The following BCAS3 variants were observed in gnomAD, a reference collection of about 807,000 sequenced individuals.
BCAS3 encodes BCAS3 microtubule associated cell migration factor, also known as BCAS4/BCAS3 fusion.
In BCAS3, 53 loss-of-function variants were observed where a neutral mutation model predicts 116.1. The observed-to-expected ratio is 0.46, with a 90% CI of 0.37 to 0.57. BCAS3 has a LOEUF of 0.57. Among genes scored for constraint, BCAS3 ranks in the 20% least tolerant of loss-of-function variants. The pLI is 0.00. For synonymous variants in BCAS3, 391 were observed against 408.2 expected, an observed-to-expected ratio of 0.96 and a Z score of 0.51; for missense variants, 917 against 1,165.4, an observed-to-expected ratio of 0.79 and a Z score of 3.10.
intron 22 of BCAS3, among the ~76,000 whole-genome samples, chr17:61,100,810 C>G (rs1487968360): frequency 6.6e-6 from 1 of 152,154 alleles, no homozygotes; most frequent in Non-Finnish European, 1.5e-5. Context: ...TACAACACGG[C>G]CCTGCATTAT....
At chr17:60,839,882 A>G (rs1182787443) in intron 7 of BCAS3, among the ~76,000 whole-genome samples, 2 of 152,164 alleles carry the variant, frequency 1.3e-5, no homozygotes, top group East Asian at 3.8e-4. Context: ...CACTTTCTCA[A>G]ATACTTTGTT....
In BCAS3 at chr17:60,703,391, C is replaced by G. The variant is rs189758722; in HGVS notation, c.215-5828C>G. On this transcript the variant is annotated intron_variant, in intron 4 of 23. Coordinates refer to ENST00000407086, the MANE Select transcript of BCAS3 (RefSeq NM_017679.5). Reference sequence around the variant, plus strand: ...ATCACTTGAGCTCAGGAGTTCAAGACTAGTCTGGGCAACATGGCAAAACCC... The same window carrying G: ...ATCACTTGAGCTCAGGAGTTCAAGAGTAGTCTGGGCAACATGGCAAAACCC... Among the ~76,000 whole-genome samples the G allele has an allele frequency of 1.6e-4, 24 of 149,254 alleles. No homozygotes were observed. The East Asian group carries it at 4.9e-3, about 30-fold the overall frequency.
At chr17:61,257,701 G>A (rs1426875002) in intron 22 of BCAS3, among the ~76,000 whole-genome samples, 1 of 152,132 alleles carries the variant, frequency 6.6e-6, no homozygotes, top group Non-Finnish European at 1.5e-5. Flanking sequence ...CACGGAATTT[G>A]GGATCAATCA....
Position 61,247,707 on chromosome 17 carries a change from C to A in BCAS3, c.2426-120620C>A, listed in dbSNP as rs545489094. ...GACTTGGCAGTAAAATTTTATTAAGCAGTTTTGCAAGTAGAGAGCAGCATA... is the reference window on the plus strand; with the variant it reads ...GACTTGGCAGTAAAATTTTATTAAGAAGTTTTGCAAGTAGAGAGCAGCATA... On this transcript the variant is annotated intron_variant, in intron 22 of 23. Transcript: ENST00000407086. Among the ~76,000 whole-genome samples the A allele has an allele frequency of 3.9e-4, 59 of 152,172 alleles. 1 individual carries two copies. Among genetic ancestry groups the A allele is most frequent in the African/African-American group, 1.4e-3 (59 of 41,526 alleles).
In BCAS3 at chr17:61,363,710, T is replaced by C. The variant is rs117127640; in HGVS notation, c.2426-4617T>C. Among the ~76,000 whole-genome samples, 27 of 152,328 alleles carry C rather than the reference T, an allele frequency of 1.8e-4. 1 individual carries two copies. The East Asian group carries it at 5.2e-3, about 29-fold the overall frequency. On this transcript the variant is annotated intron_variant, in intron 22 of 23. Transcript: ENST00000407086. This position sits in a 1 kb window ranked among gnomAD's most constrained non-coding sequence, Gnocchi z 4.9. ...CAGAGCACTGCTTCAACAAAAGATGTCTGTTGCCAAGAGTGTGTATTTTGT... is the reference window on the plus strand; with the variant it reads ...CAGAGCACTGCTTCAACAAAAGATGCCTGTTGCCAAGAGTGTGTATTTTGT...
rs1568861327 is a variant in BCAS3, at chr17:61,327,837, G to A, written c.2426-40490G>A. ...AGATCTGACTGAATAACACAAAGGT[G>A]ACATCCAGTTCAAGGAACTTAGTGG... is the stretch of plus-strand genomic sequence containing the variant. On this transcript the variant is annotated intron_variant, in intron 22 of 23. Coordinates refer to ENST00000407086, the MANE Select transcript of BCAS3 (RefSeq NM_017679.5). This position sits in a 1 kb window ranked among gnomAD's most constrained non-coding sequence, Gnocchi z 5.9. 6.6e-6 allele frequency among the ~76,000 whole-genome samples: 1 copy of A among 152,170 alleles called. No homozygotes were observed. Among genetic ancestry groups the A allele is most frequent in the Non-Finnish European group, 1.5e-5 (1 of 68,046 alleles).
chr17:61,219,757 G>A lies in BCAS3; in HGVS notation c.2425+135193G>A, dbSNP rs1006231277. ...CCAGCTGCTGCTTGTTTAGATGGCC[G>A]CCTTCCTGGTGACAAGCACTTCTTA... On this transcript the variant is annotated intron_variant, in intron 22 of 23. Transcript: ENST00000407086. This position sits in a 1 kb window ranked among gnomAD's most constrained non-coding sequence, Gnocchi z 5.2. Among the ~76,000 whole-genome samples, 2 of 152,060 alleles carry A rather than the reference G, an allele frequency of 1.3e-5. No individual in the cohort carries two copies. The highest frequency in any genetic ancestry group is 2.9e-5 in the Non-Finnish European group (2 of 68,016).
chr17:61,282,690 G>A lies in BCAS3; in HGVS notation c.2426-85637G>A, dbSNP rs1251447396. ...AAAGAAGGAAGCCCATCAACACAGAGGATTATGAATCAGACCCTTCCAGAA... is the reference window on the plus strand; with the variant it reads ...AAAGAAGGAAGCCCATCAACACAGAAGATTATGAATCAGACCCTTCCAGAA... On this transcript the variant is annotated intron_variant, in intron 22 of 23. Coordinates refer to ENST00000407086, the MANE Select transcript of BCAS3 (RefSeq NM_017679.5). This position sits in a 1 kb window ranked among gnomAD's most constrained non-coding sequence, Gnocchi z 5.9. Among the ~76,000 whole-genome samples, 1 of 152,094 alleles carries A rather than the reference G, an allele frequency of 6.6e-6. No individual in the cohort carries two copies. The highest frequency in any genetic ancestry group is 1.5e-5 in the Non-Finnish European group (1 of 68,026).
chr17:61,115,841 C>T (rs899943579), intron 22 of BCAS3, among the ~76,000 whole-genome samples: 6 of 151,224 alleles, frequency 4.0e-5, no homozygotes, highest in Non-Finnish European at 8.9e-5. Flanking sequence ...GGAACCAACC[C>T]AAATGTCCAA....
chr17:60,783,350 G>A (rs2045991914), intron 6 of BCAS3, among the ~76,000 whole-genome samples: 1 of 152,122 alleles, frequency 6.6e-6, no homozygotes, highest in Non-Finnish European at 1.5e-5. Context: ...GACTACAGGT[G>A]CACACCACCA....
chr17:61,376,844 A>G lies in BCAS3; in HGVS notation c.2593+8350A>G, dbSNP rs1319248137. Among the ~76,000 whole-genome samples, 1 of 152,146 alleles carries G rather than the reference A, an allele frequency of 6.6e-6. No individual in the cohort carries two copies. The highest frequency in any genetic ancestry group is 1.9e-4 in the East Asian group (1 of 5,192). On this transcript the variant is annotated intron_variant, in intron 23 of 23. Coordinates refer to ENST00000407086, the MANE Select transcript of BCAS3 (RefSeq NM_017679.5). The surrounding 1 kb of genome is among the most constrained non-coding windows in gnomAD (Gnocchi z 4.5). Reference sequence around the variant, plus strand: ...CCTGGAGTTTTCCTCCTTCTACAGCATCTACAAAAGTTCTCTCAGTGTCTT... The same window carrying G: ...CCTGGAGTTTTCCTCCTTCTACAGCGTCTACAAAAGTTCTCTCAGTGTCTT...
At chr17:60,772,383 G>C (rs1391266102) in intron 6 of BCAS3, among the ~76,000 whole-genome samples, 1 of 151,988 alleles carries the variant, frequency 6.6e-6, no homozygotes, top group African/African-American at 2.4e-5. Flanking sequence ...CATATCCTTT[G>C]CCCACTTTTT....
intron 22 of BCAS3, among the ~76,000 whole-genome samples, chr17:61,252,562 A>C (rs1165315773): frequency 2.1e-5 from 3 of 142,406 alleles, no homozygotes; most frequent in Non-Finnish European, 3.0e-5. Flanking sequence ...CAAGTTTTTA[A>C]AATAGAAGTG....
chr17:61,070,399 A>ATATATATATTT (rs1423455439), intron 19 of BCAS3: 1 of 186,476 alleles, frequency 5.4e-6, no homozygotes, highest in Non-Finnish European at 1.0e-5. Context: ...ATATATATAT[A>ATATATATATTT]TCTTTTCACC....
At chr17:61,078,264 TG>T in intron 20 of BCAS3, 68 bp from the exon 21 acceptor site, 2 of 1,271,670 alleles carry the variant, frequency 1.6e-6, no homozygotes, top group East Asian at 4.7e-5. Flanking sequence ...AGAGGAAGAA[TG>T]GGGGATTGTG....
rs1403812910 is a variant in BCAS3 at position 60,964,068 on chromosome 17, T to G, written c.1221+16716T>G. Among the ~76,000 whole-genome samples the G allele has an allele frequency of 6.6e-6, 1 of 152,212 alleles. No individual in the cohort carries two copies. Among genetic ancestry groups the G allele is most frequent in the Non-Finnish European group, 1.5e-5 (1 of 68,038 alleles). ...TTGCTCTGGCCAGGACTGGCAGTAT[T>G]ATGTTGAGTAACCGTAGTGAGAGTG... On this transcript the variant is annotated intron_variant, in intron 14 of 23. Coordinates refer to ENST00000407086, the MANE Select transcript of BCAS3 (RefSeq NM_017679.5). This position sits in a 1 kb window ranked among gnomAD's most constrained non-coding sequence, Gnocchi z 4.6.
At chr17:60,969,611 GA>G (rs1207237006) in intron 14 of BCAS3, among the ~76,000 whole-genome samples, 1 of 151,500 alleles carries the variant, frequency 6.6e-6, no homozygotes, top group Non-Finnish European at 1.5e-5. Context: ...AGTAAGGGAG[GA>G]AAAAAAATCT....
chr17:61,070,481 TTTTTTGAATGTA>T (rs2071320796), intron 19 of BCAS3: 1 of 178,168 alleles, frequency 5.6e-6, no homozygotes, highest in South Asian at 1.7e-4. Context: ...ACATGAGAAT[TTTTTTGAATGTA>T]TAGTTCTATT....
intron 7 of BCAS3, among the ~76,000 whole-genome samples, chr17:60,868,095 C>T (rs1275958500): frequency 6.7e-6 from 1 of 149,786 alleles, no homozygotes; most frequent in East Asian, 2.0e-4. Context: ...GTGATCTTGG[C>T]TCACCGCACC....
Sources: gnomAD v4.1 joint callset for allele counts (sites outside exome capture counted in the v4.1 genomes callset) on GRCh38, gnomAD v4.1.1 for gene constraint, Gnocchi (gnomAD v3.1) non-coding constraint, MANE v1.5 for transcripts, NCBI Gene and HGNC (gene_info 2026-07-23, HGNC 2026-07-21) for gene names.